Variants in RPA1 observed in about 807,000 individuals in gnomAD.
The protein encoded by RPA1 is replication protein A 70 kDa DNA-binding subunit.
A neutral mutation model predicts 83.0 loss-of-function variants in RPA1; 49 were observed. That is an observed-to-expected ratio of 0.59 (90% CI 0.47 to 0.75). The LOEUF is 0.75. RPA1 is among the 30% of genes least tolerant of loss of function. The pLI, the probability that RPA1 is intolerant of heterozygous loss-of-function variation, is 0.00. For missense variants in RPA1, 693 were observed against 776.1 expected (o/e 0.89, Z 1.27); for synonymous variants, 279 against 281.8 (o/e 0.99, Z 0.10).
chr17:1,881,647 T>TGCATTCCCACATTAAAATC (rs1292275514), intron 12 of RPA1, among the ~76,000 whole-genome samples: 2 of 152,186 alleles, frequency 1.3e-5, no homozygotes, highest in African/African-American at 4.8e-5. Flanking sequence ...CCAGGTTAAT[T>TGCATTCCCACATTAAAATC]GCATTCCCAC....
At chr17:1,853,036 T>C in intron 4 of RPA1, 65 bp from the exon 5 acceptor site, 1 of 1,244,046 alleles carries the variant, frequency 8.0e-7, no homozygotes, top group Middle Eastern at 1.8e-4. Flanking sequence ...GAAAGCATTT[T>C]GAGTAGCTTA....
rs1404833069 is a variant in RPA1 at position 1,899,152 on chromosome 17, C to G, written c.*1977C>G. On this transcript the variant is annotated 3_prime_UTR_variant, in exon 17 of 17. Coordinates refer to ENST00000254719, the MANE Select transcript of RPA1 (RefSeq NM_002945.5). ...CCCAGGGGCAGTGCCAGGGGGAGGG[C>G]TCCCTCGAGGAGGCTGTTTCTAACA... is the stretch of plus-strand genomic sequence containing the variant. 6.5e-5 allele frequency: 10 copies of G among 152,858 alleles called. No individual in the cohort carries two copies. The highest frequency in any genetic ancestry group is 4.6e-4 in the Admixed American group (7 of 15,286). 9.5% of individuals were successfully genotyped at this position (152,858 alleles called of 1,614,324 possible). A position where few individuals can be genotyped will look rare whatever the true frequency, so the allele number is the denominator to read the frequency against.
At chr17:1,885,484 T>C (rs1437538241) in intron 13 of RPA1, among the ~76,000 whole-genome samples, 2 of 152,070 alleles carry the variant, frequency 1.3e-5, no homozygotes, top group Non-Finnish European at 2.9e-5. Context: ...CTTTTTTTTT[T>C]AACTTGAGAC....
intron 4 of RPA1, among the ~76,000 whole-genome samples, chr17:1,849,825 C>A (rs970873636): frequency 2.0e-5 from 3 of 151,984 alleles, no homozygotes; most frequent in Non-Finnish European, 4.4e-5. Flanking sequence ...CTCGTAAATT[C>A]TTTCAAAGCT....
chr17:1,856,826 A>G (rs1048116215), intron 5 of RPA1, among the ~76,000 whole-genome samples: 1 of 151,772 alleles, frequency 6.6e-6, no homozygotes, highest in African/African-American at 2.4e-5. Context: ...TATATATTAT[A>G]TAACATACAT....
chr17:1,845,572 C>T (rs1383364212), intron 4 of RPA1, among the ~76,000 whole-genome samples: 4 of 152,044 alleles, frequency 2.6e-5, no homozygotes, highest in African/African-American at 9.7e-5. Flanking sequence ...GTGTTGTACA[C>T]GGACAAGTTA....
chr17:1,897,312 G>A lies in RPA1; in HGVS notation c.*137G>A, dbSNP rs1052052163. 9.1e-6 allele frequency: 6 copies of A among 659,088 alleles called. No homozygotes were observed. The highest frequency in any genetic ancestry group is 2.8e-5 in the East Asian group (1 of 36,102). 40.8% of individuals were successfully genotyped at this position (659,088 alleles called of 1,614,324 possible). ...GGTGGACTAAGCAATTTCCCCCCTC[G>A]TGCGCATCTCAGAACCCATCGGTAG... On this transcript the variant is annotated 3_prime_UTR_variant, in exon 17 of 17. Transcript: ENST00000254719.
At chr17:1,847,108 C>T (rs528115490) in intron 4 of RPA1, among the ~76,000 whole-genome samples, 90 of 152,232 alleles carry the variant, frequency 5.9e-4, no homozygotes, top group African/African-American at 2.0e-3. Context: ...TCGGCTTTGC[C>T]TCCCTGTTGC....
chr17:1,838,305 A>G (rs1251327941), intron 1 of RPA1, among the ~76,000 whole-genome samples: 1 of 148,284 alleles, frequency 6.7e-6, no homozygotes, highest in South Asian at 2.1e-4. Flanking sequence ...AAATAATTAA[A>G]TAAATAAAAT....
intron 5 of RPA1, among the ~76,000 whole-genome samples, chr17:1,856,045 TG>T (rs2151276265): frequency 6.6e-6 from 1 of 152,248 alleles, no homozygotes; most frequent in South Asian, 2.1e-4. Context: ...TATTTCCAGC[TG>T]GGTGCAGTGG....
intron 1 of RPA1, among the ~76,000 whole-genome samples, chr17:1,838,500 G>GAGGTTACTCTCCTCA: frequency 6.6e-6 from 1 of 151,546 alleles, no homozygotes; most frequent in Non-Finnish European, 1.5e-5. Flanking sequence ...CTACTCAGGA[G>GAGGTTACTCTCCTCA]GCTGAGTCAG....
chr17:1,859,710 A>G (rs1339673433), intron 5 of RPA1, among the ~76,000 whole-genome samples: 2 of 152,196 alleles, frequency 1.3e-5, no homozygotes, highest in African/African-American at 4.8e-5. Flanking sequence ...GGCTCAGTGC[A>G]GCCTCAACAC....
intron 5 of RPA1, among the ~76,000 whole-genome samples, chr17:1,856,487 C>T (rs7218923): frequency 0.37 from 55,819 of 151,502 alleles, 12,597 homozygotes; most frequent in Non-Finnish European, 0.53. Context: ...TAGTCCCAGC[C>T]ACTCGTGAGG....
At chr17:1,878,288 A>G (rs1432304187) in intron 8 of RPA1, among the ~76,000 whole-genome samples, 1 of 152,208 alleles carries the variant, frequency 6.6e-6, no homozygotes, top group African/African-American at 2.4e-5. Context: ...AAAGTGCTGC[A>G]GATTTCCTGT....
chr17:1,891,113 A>G (rs1728310980), intron 14 of RPA1, among the ~76,000 whole-genome samples: 1 of 152,246 alleles, frequency 6.6e-6, no homozygotes, highest in Non-Finnish European at 1.5e-5. Context: ...GCCTTAAAGA[A>G]AAACCACTCG....
chr17:1,836,028 C>G (rs1288049947), intron 1 of RPA1, among the ~76,000 whole-genome samples: 1 of 152,182 alleles, frequency 6.6e-6, no homozygotes, highest in Non-Finnish European at 1.5e-5. Context: ...CTTACCTTGT[C>G]CAGTACTGTT....
At position 1,897,257 on chromosome 17, in the gene RPA1, T is replaced by C; in HGVS notation, c.*82T>C. ...CTCCCACCTCCGTGTGACGATCCCA[T>C]GTTAGCTACACAGTGCAGAGGCTCT... On this transcript the variant is annotated 3_prime_UTR_variant, in exon 17 of 17. Transcript: ENST00000254719. 1 of 1,060,968 alleles carries C rather than the reference T, an allele frequency of 9.4e-7. No individual in the cohort carries two copies. The highest frequency in any genetic ancestry group is 1.5e-5 in the South Asian group (1 of 65,044). 65.7% of individuals were successfully genotyped at this position (1,060,968 alleles called of 1,614,324 possible).
chr17:1,836,494 T>G (rs11654477), intron 1 of RPA1, among the ~76,000 whole-genome samples: 1 of 152,014 alleles, frequency 6.6e-6, no homozygotes, highest in Non-Finnish European at 1.5e-5. Flanking sequence ...TGTGGAGATA[T>G]AGAATACTTC....
At position 1,872,519 on chromosome 17, in the gene RPA1, G is replaced by A. The variant is rs375711934; in HGVS notation, c.447G>A (p.Ser149=). The A allele has an allele frequency of 1.9e-5, 30 of 1,613,472 alleles. No individual in the cohort carries two copies. Among genetic ancestry groups the A allele is most frequent in the South Asian group, 8.8e-5 (8 of 90,984 alleles). The part of the protein sequence containing the change: ...SSRPQPQNGS[S]GMGSTVSKAY... ...GGCCCCAGCCGCAGAATGGAAGCTCGGGAATGGGTGAGATGCCTCACGGGG... is the reference window on the plus strand; with the variant it reads ...GGCCCCAGCCGCAGAATGGAAGCTCAGGAATGGGTGAGATGCCTCACGGGG... The change falls in exon 6 of 17, where the codon TCG becomes TCA. Residue 149 remains serine (S), a synonymous_variant. Transcript: ENST00000254719.
Sources: gnomAD v4.1 joint callset for allele counts (sites outside exome capture counted in the v4.1 genomes callset) on GRCh38, gnomAD v4.1.1 for gene constraint, MANE v1.5 for transcripts, NCBI Gene and HGNC (gene_info 2026-07-23, HGNC 2026-07-21) for gene names.